DCDC2: variants seen among roughly 807,000 people sequenced by gnomAD.
DCDC2 encodes doublecortin domain containing 2.
Under a neutral mutation model 50.2 loss-of-function variants are expected in DCDC2, and 40 were observed. The ratio of observed to expected loss-of-function variants is 0.80; its 90% CI spans 0.62 to 1.04. The LOEUF (loss-of-function observed/expected upper bound fraction) is 1.04. DCDC2 is among the 50% of genes least tolerant of loss of function. The pLI, the probability that DCDC2 is intolerant of heterozygous loss-of-function variation, is 0.00. For missense variants in DCDC2, 570 were observed against 581.9 expected (o/e 0.98, Z 0.21); for synonymous variants, 234 against 210.6 (o/e 1.11, Z -0.96).
At chr6:24,221,393 A>G (rs1229414657) in intron 7 of DCDC2, among the ~76,000 whole-genome samples, 1 of 151,836 alleles carries the variant, frequency 6.6e-6, no homozygotes, top group Non-Finnish European at 1.5e-5. Context: ...CACTCATACA[A>G]TCTCCTCACA....
chr6:24,239,451 A>G (rs1581605268), intron 7 of DCDC2, among the ~76,000 whole-genome samples: 2 of 152,282 alleles, frequency 1.3e-5, no homozygotes, highest in East Asian at 1.9e-4. Context: ...ACAAACTGGG[A>G]TAGTTGACCG....
At chr6:24,198,120 C>A (rs1344659822) in intron 8 of DCDC2, among the ~76,000 whole-genome samples, 1 of 152,176 alleles carries the variant, frequency 6.6e-6, no homozygotes, top group East Asian at 1.9e-4. Context: ...TTTATACAGG[C>A]AATTCCTTTA....
chr6:24,220,868 G>GTGAGAGAGA (rs1382932090), intron 7 of DCDC2, among the ~76,000 whole-genome samples: 16 of 138,232 alleles, frequency 1.2e-4, no homozygotes, highest in African/African-American at 3.5e-4. Context: ...GAGACAGAGA[G>GTGAGAGAGA]CAAGAGAGCG....
At chr6:24,274,605 C>CAAAAAAAAAAAAAAAAAAAAAAAAGAA (rs1763310277) in intron 7 of DCDC2, among the ~76,000 whole-genome samples, 1 of 82,404 alleles carries the variant, frequency 1.2e-5, no homozygotes, top group Admixed American at 1.6e-4. Flanking sequence ...GAAACAGAGT[C>CAAAAAAAAAAAAAAAAAAAAAAAAGAA]AAAAAAAAAA....
At chr6:24,235,947 T>A (rs1173317797) in intron 7 of DCDC2, among the ~76,000 whole-genome samples, 1 of 152,110 alleles carries the variant, frequency 6.6e-6, no homozygotes, top group African/African-American at 2.4e-5. Context: ...CTGAAAGAAA[T>A]CATAGATGAC....
At chr6:24,190,357 A>T (rs1431881209) in intron 8 of DCDC2, among the ~76,000 whole-genome samples, 1 of 152,112 alleles carries the variant, frequency 6.6e-6, no homozygotes, top group African/African-American at 2.4e-5. Context: ...AGAACATGCG[A>T]TGTTTGGTTT....
chr6:24,304,702 G>T (rs781746549), intron 2 of DCDC2, among the ~76,000 whole-genome samples: 29 of 152,102 alleles, frequency 1.9e-4, no homozygotes, highest in Non-Finnish European at 3.8e-4. Flanking sequence ...ATTTTTAAAT[G>T]CGCTGATGGC....
chr6:24,223,446 C>T (rs567304491), intron 7 of DCDC2, among the ~76,000 whole-genome samples: 1 of 152,256 alleles, frequency 6.6e-6, no homozygotes, highest in East Asian at 1.9e-4. Context: ...TTTTGTGTAT[C>T]GAGCACTCTC....
chr6:24,284,431 C>T (rs1259596824), intron 6 of DCDC2, among the ~76,000 whole-genome samples: 2 of 151,594 alleles, frequency 1.3e-5, no homozygotes, highest in African/African-American at 4.9e-5. Context: ...GATGGTGAAA[C>T]CCCGTCTCTA....
At chr6:24,190,381 G>C (rs887771420) in intron 8 of DCDC2, among the ~76,000 whole-genome samples, 1 of 152,138 alleles carries the variant, frequency 6.6e-6, no homozygotes, top group African/African-American at 2.4e-5. Context: ...GTCCTTGTGG[G>C]GTTGGGGGAG....
chr6:24,307,757 C>G (rs913275988), intron 2 of DCDC2, among the ~76,000 whole-genome samples: 1 of 150,670 alleles, frequency 6.6e-6, no homozygotes, highest in Non-Finnish European at 1.5e-5. Context: ...TTTAAAGAAT[C>G]ATTCTTTTTT....
intron 8 of DCDC2, among the ~76,000 whole-genome samples, chr6:24,189,707 C>A (rs1370545172): frequency 6.6e-6 from 1 of 152,124 alleles, no homozygotes; most frequent in Non-Finnish European, 1.5e-5. Flanking sequence ...CTCATTGCCA[C>A]CCATTAGTTC....
intron 8 of DCDC2, among the ~76,000 whole-genome samples, chr6:24,180,276 T>G (rs1317971170): frequency 1.3e-5 from 2 of 151,594 alleles, no homozygotes; most frequent in Non-Finnish European, 2.9e-5. Context: ...AATAACACGG[T>G]TTTTTTGTTG....
intron 2 of DCDC2, among the ~76,000 whole-genome samples, chr6:24,342,446 T>C (rs1760175646): frequency 1.3e-5 from 2 of 152,210 alleles, no homozygotes; most frequent in African/African-American, 2.4e-5. Context: ...GGCAGTCTTC[T>C]TGCACCAGCC....
intron 7 of DCDC2, among the ~76,000 whole-genome samples, chr6:24,211,703 G>A (rs1761874861): frequency 6.6e-6 from 1 of 152,164 alleles, no homozygotes; most frequent in African/African-American, 2.4e-5. Flanking sequence ...CAGGCAGCCT[G>A]TAGAAACTGG....
intron 7 of DCDC2, among the ~76,000 whole-genome samples, chr6:24,275,147 A>G (rs1457496862): frequency 6.6e-6 from 1 of 152,196 alleles, no homozygotes; most frequent in Non-Finnish European, 1.5e-5. Context: ...ATGAGTATTC[A>G]AAAGCACGTA....
chr6:24,246,590 G>A (rs1217784730), intron 7 of DCDC2, among the ~76,000 whole-genome samples: 3 of 143,490 alleles, frequency 2.1e-5, no homozygotes, highest in South Asian at 2.3e-4. Flanking sequence ...AGGTTCAAGC[G>A]ATTCTCCTGC....
rs1484624484 is a variant in DCDC2 at position 24,173,199 on chromosome 6, T to C, written c.*1531A>G. The C allele has an allele frequency of 1.3e-5, 2 of 152,086 alleles. No individual in the cohort carries two copies. The highest frequency in any genetic ancestry group is 2.9e-5 in the Non-Finnish European group (2 of 67,968). The allele number at this position is 152,086 out of a possible 1,614,324, so 9.4% of individuals were successfully genotyped here. ...AGATCACTATATCCTTGTGTCATTA[T>C]CTCTTCCAAATACTGTTACATTATC... On this transcript the variant is annotated 3_prime_UTR_variant, in exon 10 of 10. Transcript: ENST00000378454.
chr6:24,194,779 T>G (rs1270728360), intron 8 of DCDC2, among the ~76,000 whole-genome samples: 1 of 152,186 alleles, frequency 6.6e-6, no homozygotes, highest in Admixed American at 6.6e-5. Flanking sequence ...CAGATTGACT[T>G]GGAACATGCA....
Sources: allele counts gnomAD v4.1 joint callset (sites outside exome capture counted in the v4.1 genomes callset), GRCh38; gene constraint gnomAD v4.1.1; transcripts MANE v1.5; gene names NCBI Gene and HGNC (gene_info 2026-07-23, HGNC 2026-07-21).